The following CNTNAP2 variants were observed in gnomAD, a reference collection of about 807,000 sequenced individuals.
CNTNAP2 encodes contactin associated protein 2.
A neutral mutation model predicts 155.2 loss-of-function variants in CNTNAP2; 98 were observed. That is an observed-to-expected ratio of 0.63 (90% CI 0.54 to 0.75). CNTNAP2 has a LOEUF of 0.75. Ranked by LOEUF, CNTNAP2 falls within the 30% of genes least tolerant of loss-of-function variation. The probability of loss-of-function intolerance (pLI) is 0.00; values close to 1 mark genes in which losing one functional copy is unlikely to be tolerated. For synonymous variants in CNTNAP2, 651 were observed against 631.2 expected (o/e 1.03, Z -0.47); for missense variants, 1,727 against 1,688.1 (o/e 1.02, Z -0.40).
At chr7:147,660,826 C>T (rs1478333535) in intron 13 of CNTNAP2, among the ~76,000 whole-genome samples, 1 of 152,176 alleles carries the variant, frequency 6.6e-6, no homozygotes, top group Non-Finnish European at 1.5e-5. Context: ...ACTGGTTAGC[C>T]TCTGAAATCA....
chr7:148,360,308 A>G (rs1465560814), intron 21 of CNTNAP2, among the ~76,000 whole-genome samples: 1 of 152,220 alleles, frequency 6.6e-6, no homozygotes, highest in Non-Finnish European at 1.5e-5. Context: ...GAAGGAACTC[A>G]GAGGTTACCA....
rs1229995396 is a variant in CNTNAP2 at position 147,500,085 on chromosome 7, ATTTT to A, written c.1777+14050_1777+14053del. ...TTTTTCCATGTAAAACCAGAGCAAG[ATTTT>A]TTTTTAAAAAAACTGGTAGTAAGCA... On this transcript the variant is annotated intron_variant, in intron 11 of 23. Coordinates refer to ENST00000361727, the MANE Select transcript of CNTNAP2 (RefSeq NM_014141.6). Among the ~76,000 whole-genome samples, 291 of 151,316 alleles carry A rather than the reference ATTTT, an allele frequency of 1.9e-3. 2 individuals carry two copies. The highest frequency in any genetic ancestry group is 1.0e-2 in the East Asian group (51 of 5,124).
chr7:146,412,165 T>C (rs970927563), intron 1 of CNTNAP2, among the ~76,000 whole-genome samples: 2 of 152,170 alleles, frequency 1.3e-5, no homozygotes, highest in African/African-American at 4.8e-5. Flanking sequence ...TGTATGAGAA[T>C]AGAACAAAGC....
At chr7:146,497,221 C>T (rs1038750887) in intron 1 of CNTNAP2, among the ~76,000 whole-genome samples, 1 of 152,090 alleles carries the variant, frequency 6.6e-6, no homozygotes, top group South Asian at 2.1e-4. Flanking sequence ...AAAGTTGTGT[C>T]TATTGATTAA....
intron 3 of CNTNAP2, among the ~76,000 whole-genome samples, chr7:146,910,400 A>G (rs1796246137): frequency 6.7e-6 from 1 of 148,846 alleles, no homozygotes; most frequent in Non-Finnish European, 1.5e-5. Context: ...CCTGACTTCA[A>G]AGTATACTAC....
intron 3 of CNTNAP2, among the ~76,000 whole-genome samples, chr7:146,954,005 T>C (rs1278914843): frequency 6.6e-6 from 1 of 151,974 alleles, no homozygotes; most frequent in Non-Finnish European, 1.5e-5. Context: ...CTATTATTGC[T>C]TTGATACCAC....
chr7:147,130,882 A>T (rs1801338718), intron 7 of CNTNAP2, among the ~76,000 whole-genome samples: 1 of 152,076 alleles, frequency 6.6e-6, no homozygotes, highest in African/African-American at 2.4e-5. Context: ...ATGCATAGGC[A>T]GTTCTTTTTA....
Position 146,607,978 on chromosome 7 carries a change from A to G in CNTNAP2, c.98-166293A>G, listed in dbSNP as rs73166309. ...TTCCTTTCTTCATTTTGTAAAAAGG[A>G]CACATTCATTTAAAGGAAGCAGAAA... On this transcript the variant is annotated intron_variant, in intron 1 of 23. Coordinates refer to ENST00000361727, the MANE Select transcript of CNTNAP2 (RefSeq NM_014141.6). 7.0e-3 allele frequency among the ~76,000 whole-genome samples: 1,070 copies of G among 152,278 alleles called. 7 individuals carry two copies. The highest frequency in any genetic ancestry group is 0.011 in the Non-Finnish European group (755 of 68,030).
chr7:147,764,126 T>C (rs1797349138), intron 13 of CNTNAP2, among the ~76,000 whole-genome samples: 1 of 152,026 alleles, frequency 6.6e-6, no homozygotes, highest in Non-Finnish European at 1.5e-5. Flanking sequence ...TCCAACCCTG[T>C]TTGCTATGGG....
At chr7:146,728,790 G>A (rs1801476475) in intron 1 of CNTNAP2, among the ~76,000 whole-genome samples, 1 of 152,164 alleles carries the variant, frequency 6.6e-6, no homozygotes, top group African/African-American at 2.4e-5. Flanking sequence ...AAATGTGGCA[G>A]TGTTCCAGAA....
Position 146,953,878 on chromosome 7 carries a change from TA to T in CNTNAP2, c.403-90022del, listed in dbSNP as rs1412392706. ...TAAGCTATTGCAAATAATAATCAGG[TA>T]AAAAAATATTTATTCTGTTTCAGCA... is the stretch of plus-strand genomic sequence containing the variant. On this transcript the variant is annotated intron_variant, in intron 3 of 23. Transcript: ENST00000361727. Among the ~76,000 whole-genome samples, 9 of 151,890 alleles carry T rather than the reference TA, an allele frequency of 5.9e-5. No homozygotes were observed. In the South Asian group the frequency reaches 1.0e-3, roughly 17 times the overall value.
intron 2 of CNTNAP2, among the ~76,000 whole-genome samples, chr7:146,810,052 A>T (rs1398710860): frequency 6.6e-6 from 1 of 151,908 alleles, no homozygotes; most frequent in Admixed American, 6.6e-5. Context: ...GGCCAATTTC[A>T]CTCTTTTGCA....
At chr7:147,936,399 T>C (rs1800608864) in intron 14 of CNTNAP2, among the ~76,000 whole-genome samples, 1 of 152,098 alleles carries the variant, frequency 6.6e-6, no homozygotes, top group African/African-American at 2.4e-5. Flanking sequence ...CAGTATGACT[T>C]AATCTGAAGA....
At chr7:148,108,728 A>G (rs1272429577) in intron 15 of CNTNAP2, among the ~76,000 whole-genome samples, 1 of 152,186 alleles carries the variant, frequency 6.6e-6, no homozygotes, top group East Asian at 1.9e-4. Context: ...CAAAGAGTGC[A>G]GTTAGGAGGA....
intron 8 of CNTNAP2, among the ~76,000 whole-genome samples, chr7:147,205,588 TG>T (rs34736681): frequency 0.47 from 71,604 of 151,638 alleles, 17,581 homozygotes; most frequent in Middle Eastern, 0.64. Flanking sequence ...ACAAAGTGGA[TG>T]GGAAGTGGTG....
chr7:148,413,779 T>C (rs1799909881), intron 23 of CNTNAP2, among the ~76,000 whole-genome samples: 1 of 152,106 alleles, frequency 6.6e-6, no homozygotes, highest in African/African-American at 2.4e-5. Context: ...ATTAGGAACA[T>C]TATGTCTTCC....
At chr7:147,951,604 A>G (rs1800931168) in intron 14 of CNTNAP2, among the ~76,000 whole-genome samples, 1 of 152,320 alleles carries the variant, frequency 6.6e-6, no homozygotes, top group African/African-American at 2.4e-5. Flanking sequence ...ATTCTAATAG[A>G]AAGTGTTAAA....
intron 1 of CNTNAP2, among the ~76,000 whole-genome samples, chr7:146,180,859 G>A (rs559829364): frequency 1.3e-5 from 2 of 152,244 alleles, no homozygotes; most frequent in Admixed American, 6.5e-5. Flanking sequence ...TAAGTTTGTC[G>A]TGGTTCAAAA....
intron 11 of CNTNAP2, among the ~76,000 whole-genome samples, chr7:147,493,889 T>A (rs536953707): frequency 6.6e-6 from 1 of 152,324 alleles, no homozygotes; most frequent in East Asian, 1.9e-4. Flanking sequence ...TCTAACCATA[T>A]GGACAGGGAG....
Sources: gnomAD v4.1 joint callset for allele counts (sites outside exome capture counted in the v4.1 genomes callset) on GRCh38, gnomAD v4.1.1 for gene constraint, MANE v1.5 for transcripts, NCBI Gene and HGNC (gene_info 2026-07-23, HGNC 2026-07-21) for gene names.